The following FIGNL2 variants were observed in gnomAD, a reference collection of about 807,000 sequenced individuals.
FIGNL2 encodes fidgetin-like protein 2.
For missense variants in FIGNL2, 1,060 were observed against 950.2 expected, an observed-to-expected ratio of 1.12 and a Z score of -1.52; for synonymous variants, 565 against 484.0, an observed-to-expected ratio of 1.17 and a Z score of -2.20.
chr12:51,829,822 A>AGAGG (rs1399250657), intron 1 of FIGNL2, among the ~76,000 whole-genome samples: 2 of 150,776 alleles, frequency 1.3e-5, no homozygotes, highest in East Asian at 3.9e-4. Context: ...AGGAAGGAAG[A>AGAGG]GAGGGAGGGA....
At chr12:51,844,991 G>A (rs990833955) in intron 1 of FIGNL2, 2 of 534,722 alleles carry the variant, frequency 3.7e-6, no homozygotes, top group Admixed American at 6.4e-5. Flanking sequence ...GGATGGACTG[G>A]GGTGAGGGTT....
intron 1 of FIGNL2, chr12:51,825,838 G>C (rs554517559): frequency 4.0e-5 from 6 of 151,890 alleles, no homozygotes; most frequent in African/African-American, 1.4e-4. Context: ...GGATGGTCTC[G>C]ATCTCCTGAC....
intron 1 of FIGNL2, chr12:51,845,510 G>C (rs1056205021): frequency 2.0e-6 from 2 of 985,422 alleles, no homozygotes; most frequent in Non-Finnish European, 1.2e-6. Flanking sequence ...GGGCTGCAGA[G>C]CACAGGGGCA....
At position 51,848,623 on chromosome 12, in the gene FIGNL2, G is replaced by C. The variant is rs895047438; in HGVS notation, c.-95C>G. On this transcript the variant is annotated 5_prime_UTR_variant, in exon 1 of 2. Coordinates refer to ENST00000618634, the MANE Select transcript of FIGNL2 (RefSeq NM_001384995.1). ...GGGGACCGGGGCGGCGGCGCGGGCC[G>C]GGGGCGACAGGCCTGGGCTGGGGGG... 1.0e-4 allele frequency: 77 copies of C among 773,314 alleles called. No homozygotes were observed. The highest frequency in any genetic ancestry group is 1.1e-4 in the Non-Finnish European group (71 of 636,790). The allele number at this position is 773,314 out of a possible 1,614,324, so 47.9% of individuals were successfully genotyped here. A position where few individuals can be genotyped will look rare whatever the true frequency, so the allele number is the denominator to read the frequency against.
chr12:51,830,779 C>T (rs952474811), intron 1 of FIGNL2, among the ~76,000 whole-genome samples: 2 of 151,404 alleles, frequency 1.3e-5, no homozygotes, highest in African/African-American at 2.4e-5. Context: ...CATGAGCCAC[C>T]ACACCCGGCC....
At chr12:51,844,755 T>A in intron 1 of FIGNL2, 1 of 985,274 alleles carries the variant, frequency 1.0e-6, no homozygotes, top group Non-Finnish European at 1.2e-6. Flanking sequence ...CTGGACAGCC[T>A]CTCTCCAAGC....
chr12:51,839,156 G>A (rs1355457675), intron 1 of FIGNL2, among the ~76,000 whole-genome samples: 2 of 148,368 alleles, frequency 1.3e-5, no homozygotes, highest in Non-Finnish European at 3.0e-5. Flanking sequence ...GTGCCCAGAC[G>A]TAACTTGGTC....
intron 1 of FIGNL2, among the ~76,000 whole-genome samples, chr12:51,846,426 G>A (rs936501749): frequency 6.6e-6 from 1 of 152,224 alleles, no homozygotes; most frequent in African/African-American, 2.4e-5. Flanking sequence ...GTGAAATTGC[G>A]TGGAGAGAGC....
intron 1 of FIGNL2, among the ~76,000 whole-genome samples, chr12:51,838,359 T>A (rs1169910870): frequency 1.3e-5 from 2 of 152,114 alleles, no homozygotes; most frequent in Non-Finnish European, 2.9e-5. Flanking sequence ...CCTTCCCTTC[T>A]CCCCTTTCTC....
rs1339192546 is a variant in FIGNL2, at chr12:51,820,244, C to G, written c.*208G>C. 7 of 644,460 alleles carry G rather than the reference C, an allele frequency of 1.1e-5. No homozygotes were observed. Among genetic ancestry groups the G allele is most frequent in the African/African-American group, 1.9e-5 (1 of 51,590 alleles). The allele number at this position is 644,460 out of a possible 1,614,324, so 39.9% of individuals were successfully genotyped here. A position where few individuals can be genotyped will look rare whatever the true frequency, so the allele number is the denominator to read the frequency against. On this transcript the variant is annotated 3_prime_UTR_variant, in exon 2 of 2. Coordinates refer to ENST00000618634, the MANE Select transcript of FIGNL2 (RefSeq NM_001384995.1). ...CCAGTCCACAATAAATAGGAAAAAC[C>G]TGAGTACACGGCGCATATGGCATCT...
intron 1 of FIGNL2, among the ~76,000 whole-genome samples, chr12:51,836,696 A>G (rs1336019511): frequency 1.3e-5 from 2 of 152,174 alleles, no homozygotes; most frequent in East Asian, 3.8e-4. Flanking sequence ...CACACATTGA[A>G]TAAGCCCCCA....
chr12:51,822,143 C>G lies in FIGNL2; in HGVS notation c.271G>C (p.Gly91Arg). ...GGYSDASFLN[G>R]AKGDPEPWPG... ...CAGGGCTCGGGATCCCCTTTGGCGC[C>G]GTTGAGGAAGGAGGCGTCGCTGTAC... is the stretch of plus-strand genomic sequence containing the variant. The change falls in exon 2 of 2, where the codon GGC (glycine) becomes CGC (arginine). Residue 91 changes from glycine to arginine, a missense_variant. Coordinates refer to ENST00000618634, the MANE Select transcript of FIGNL2 (RefSeq NM_001384995.1). The G allele has an allele frequency of 5.0e-6, 8 of 1,611,258 alleles. No individual in the cohort carries two copies. The highest frequency in any genetic ancestry group is 6.8e-6 in the Non-Finnish European group (8 of 1,178,930).
intron 1 of FIGNL2, among the ~76,000 whole-genome samples, chr12:51,833,175 G>C (rs533088386): frequency 4.6e-5 from 7 of 152,160 alleles, no homozygotes; most frequent in African/African-American, 1.7e-4. Context: ...AGCCTCCCAA[G>C]TAGTTGGGAC....
chr12:51,828,122 C>T (rs374502631), intron 1 of FIGNL2, among the ~76,000 whole-genome samples: 3 of 152,170 alleles, frequency 2.0e-5, no homozygotes, highest in Non-Finnish European at 4.4e-5. Context: ...GCTCTGCCCC[C>T]GAGTGCTGTG....
At position 51,824,908 on chromosome 12, in the gene FIGNL2, G is replaced by A. The variant is rs1050708036; in HGVS notation, c.-11-2484C>T. 2.6e-5 allele frequency among the ~76,000 whole-genome samples: 4 copies of A among 152,092 alleles called. No individual in the cohort carries two copies. In the East Asian group the frequency reaches 5.8e-4, roughly 22 times the overall value. The stretch of plus-strand genomic sequence containing the variant: ...AAAATACAAAAATTAGCCGGGCGTA[G>A]TGGCGGGTGCCTGTCATCCCAGCTA... On this transcript the variant is annotated intron_variant, in intron 1 of 1. Transcript: ENST00000618634.
Position 51,822,385 on chromosome 12 carries a change from G to T in FIGNL2, c.29C>A (p.Pro10His). The T allele has an allele frequency of 6.2e-7, 1 of 1,613,784 alleles. No individual in the cohort carries two copies. The highest frequency in any genetic ancestry group is 1.3e-5 in the African/African-American group (1 of 75,050). ...GTGCTGCTCTGGCCACTGGTTGAGG[G>T]GCTGGGCGTGTTCTGGTGTCCAGTG... MHWTPEHAQ[P>H]LNQWPEQHLD... Residue 10 changes from proline to histidine, a missense_variant, in exon 2 of 2, where the codon CCC becomes CAC. Transcript: ENST00000618634.
chr12:51,839,290 T>A (rs942083151), intron 1 of FIGNL2, among the ~76,000 whole-genome samples: 1 of 151,988 alleles, frequency 6.6e-6, no homozygotes. Flanking sequence ...AAGGAAAACA[T>A]CTCCACCTCC....
Position 51,820,314 on chromosome 12 carries a change from C to T in FIGNL2, c.*138G>A. On this transcript the variant is annotated 3_prime_UTR_variant, in exon 2 of 2. Transcript: ENST00000618634. Reference sequence around the variant, plus strand: ...CTTCCCACGAAAAAAAAAATATCCACCGGCAGACCCCTCCTGTCCCCGATC... The same window carrying T: ...CTTCCCACGAAAAAAAAAATATCCATCGGCAGACCCCTCCTGTCCCCGATC... The T allele has an allele frequency of 8.7e-7, 1 of 1,150,896 alleles. No homozygotes were observed. The highest frequency in any genetic ancestry group is 1.2e-6 in the Non-Finnish European group (1 of 846,632). 71.3% of individuals were successfully genotyped at this position (1,150,896 alleles called of 1,614,324 possible). A position where few individuals can be genotyped will look rare whatever the true frequency, so the allele number is the denominator to read the frequency against.
intron 1 of FIGNL2, among the ~76,000 whole-genome samples, chr12:51,840,127 C>T (rs921751929): frequency 2.0e-5 from 3 of 152,266 alleles, no homozygotes; most frequent in African/African-American, 7.2e-5. Flanking sequence ...CACACCTGTG[C>T]ACTCAGTGAT....
Sources: gnomAD v4.1 joint callset for allele counts (sites outside exome capture counted in the v4.1 genomes callset) on GRCh38, gnomAD v4.1.1 for gene constraint, MANE v1.5 for transcripts, NCBI Gene and HGNC (gene_info 2026-07-23, HGNC 2026-07-21) for gene names.